The following SLC16A14 variants were observed in gnomAD, a reference collection of about 807,000 sequenced individuals.
The protein encoded by SLC16A14 is monocarboxylate transporter 14.
A neutral mutation model predicts 35.8 loss-of-function variants in SLC16A14; 14 were observed. The observed-to-expected ratio is 0.39, with a 90% CI of 0.26 to 0.61. The LOEUF (loss-of-function observed/expected upper bound fraction) is 0.61. SLC16A14 is among the 20% of genes least tolerant of loss of function. The pLI is 0.51. For missense variants in SLC16A14, 533 were observed against 655.0 expected, an observed-to-expected ratio of 0.81 and a Z score of 2.03; for synonymous variants, 248 against 258.9, an observed-to-expected ratio of 0.96 and a Z score of 0.40.
chr2:230,045,344 G>T (rs1471293049), intron 4 of SLC16A14, among the ~76,000 whole-genome samples: 1 of 152,184 alleles, frequency 6.6e-6, no homozygotes, highest in Non-Finnish European at 1.5e-5. Context: ...GATCACTCGA[G>T]GTCAGAAGTT....
chr2:230,047,721 A>G (rs2077621258), intron 3 of SLC16A14, among the ~76,000 whole-genome samples: 1 of 152,258 alleles, frequency 6.6e-6, no homozygotes, highest in Non-Finnish European at 1.5e-5. Flanking sequence ...AAATTGCTAA[A>G]TGTAGATTTT....
rs1353096525 is a variant in SLC16A14 at position 230,068,283 on chromosome 2, C to T, written c.-15+272G>A. 1 of 152,254 alleles carries T rather than the reference C, an allele frequency of 6.6e-6. No individual in the cohort carries two copies. The highest frequency in any genetic ancestry group is 2.4e-5 in the African/African-American group (1 of 41,468). 9.4% of individuals were successfully genotyped at this position (152,254 alleles called of 1,614,324 possible). ...CAGCTTGAGCAGCAAGGCGCGCGTCCCCAAGCTCCGCCTGGCGGTCTGCCC... is the reference window on the plus strand; with the variant it reads ...CAGCTTGAGCAGCAAGGCGCGCGTCTCCAAGCTCCGCCTGGCGGTCTGCCC... On this transcript the variant is annotated intron_variant, in intron 1 of 4. Coordinates refer to ENST00000295190, the MANE Select transcript of SLC16A14 (RefSeq NM_152527.5). This position sits in a 1 kb window ranked among gnomAD's most constrained non-coding sequence, Gnocchi z 5.1.
In SLC16A14 at chr2:230,050,033, G is replaced by T; in HGVS notation, c.260-129C>A. 6.8e-6 allele frequency: 7 copies of T among 1,032,184 alleles called. No homozygotes were observed. The South Asian group carries it at 9.3e-5, about 14-fold the overall frequency. 63.9% of individuals were successfully genotyped at this position (1,032,184 alleles called of 1,614,324 possible). ...TTAAATGACACAAAAAGCCCCCATT[G>T]CTTTATATGCCAAACATTTTTAGCA... On this transcript the variant is annotated intron_variant, in intron 2 of 4. Coordinates refer to ENST00000295190, the MANE Select transcript of SLC16A14 (RefSeq NM_152527.5).
At chr2:230,041,253 C>T (rs1389013849) in intron 4 of SLC16A14, among the ~76,000 whole-genome samples, 12 of 152,042 alleles carry the variant, frequency 7.9e-5, no homozygotes, top group Admixed American at 1.3e-4. Context: ...GAATATTGGT[C>T]GGTCAAATCT....
intron 4 of SLC16A14, among the ~76,000 whole-genome samples, chr2:230,042,894 A>G (rs1227010921): frequency 2.0e-5 from 3 of 152,110 alleles, no homozygotes; most frequent in Non-Finnish European, 2.9e-5. Flanking sequence ...GTGGCTGGAG[A>G]TACAGCAACC....
chr2:230,052,134 A>G (rs1297753321), intron 2 of SLC16A14, among the ~76,000 whole-genome samples: 1 of 151,940 alleles, frequency 6.6e-6, no homozygotes, highest in African/African-American at 2.4e-5. Flanking sequence ...ACGGGGTTTC[A>G]CCGTGTTAGC....
chr2:230,050,141 T>G (rs573659910), intron 2 of SLC16A14, among the ~76,000 whole-genome samples: 20 of 152,236 alleles, frequency 1.3e-4, no homozygotes, highest in Non-Finnish European at 2.5e-4. Context: ...TAAATAGACA[T>G]TCATTCTTTC....
chr2:230,066,489 G>C (rs543391933), intron 1 of SLC16A14, among the ~76,000 whole-genome samples: 2 of 151,988 alleles, frequency 1.3e-5, no homozygotes, highest in South Asian at 2.1e-4. Context: ...GTAAATGGGG[G>C]GTAACATATA....
rs761377021 is a variant in SLC16A14, at chr2:230,059,326, C to T, written c.27G>A (p.Gly9=). The change falls in exon 2 of 5, where the codon GGG becomes GGA. Residue 9 remains glycine, a synonymous_variant. Transcript: ENST00000295190. MYTSHEDI[G]YDFEDGPKDK... The stretch of plus-strand genomic sequence containing the variant: ...CTTTGGGGCCATCTTCAAAATCATA[C>T]CCAATATCTTCATGACTGGTATACA... The T allele has an allele frequency of 1.0e-5, 16 of 1,605,798 alleles. No individual in the cohort carries two copies. In the South Asian group the frequency reaches 1.8e-4, roughly 18 times the overall value.
At chr2:230,045,421 G>A (rs1195003348) in intron 4 of SLC16A14, among the ~76,000 whole-genome samples, 2 of 152,102 alleles carry the variant, frequency 1.3e-5, no homozygotes, top group South Asian at 2.1e-4. Flanking sequence ...TTAGCCGGGC[G>A]TGGTGGTGCA....
chr2:230,050,391 A>G (rs1282632429), intron 2 of SLC16A14, among the ~76,000 whole-genome samples: 6 of 152,216 alleles, frequency 3.9e-5, no homozygotes, highest in Non-Finnish European at 7.3e-5. Context: ...TGCAGTCTCT[A>G]TCCTTCCCTC....
Position 230,068,736 on chromosome 2 carries a change from G to A in SLC16A14, c.-196C>T, listed in dbSNP as rs2077825771. On this transcript the variant is annotated 5_prime_UTR_variant, in exon 1 of 5. Transcript: ENST00000295190. The surrounding 1 kb of genome is among the most constrained non-coding windows in gnomAD (Gnocchi z 5.1). Reference sequence around the variant, plus strand: ...GCCCGGCTCGGTGCGCTCTGTGAGGGGCTCCCGGGCTCTTCCGCCGCTCGC... The same window carrying A: ...GCCCGGCTCGGTGCGCTCTGTGAGGAGCTCCCGGGCTCTTCCGCCGCTCGC... 6.5e-6 allele frequency: 1 copy of A among 152,700 alleles called. No individual in the cohort carries two copies. 9.5% of individuals were successfully genotyped at this position (152,700 alleles called of 1,614,324 possible). A position where few individuals can be genotyped will look rare whatever the true frequency, so the allele number is the denominator to read the frequency against.
chr2:230,037,497 A>AG lies in SLC16A14; in HGVS notation c.1415_1416insC (p.Ser473PhefsTer61). On this transcript the variant is annotated frameshift_variant, in exon 5 of 5. Transcript: ENST00000295190. LOFTEE classifies it high-confidence loss of function. ...AAAGCAAACCACATATGTAGAAGGA[A>AG]AAATCATATTTTTGCGTGATGTCAT... 6.2e-7 allele frequency: 1 copy of AG among 1,611,102 alleles called. No individual in the cohort carries two copies. The highest frequency in any genetic ancestry group is 2.2e-5 in the East Asian group (1 of 44,818).
chr2:230,067,717 G>C (rs2077813304), intron 1 of SLC16A14, among the ~76,000 whole-genome samples: 1 of 152,200 alleles, frequency 6.6e-6, no homozygotes, highest in African/African-American at 2.4e-5. Context: ...AAAGAAAATG[G>C]CTTAATTGGA....
At chr2:230,057,240 A>G (rs991526600) in intron 2 of SLC16A14, among the ~76,000 whole-genome samples, 1 of 152,214 alleles carries the variant, frequency 6.6e-6, no homozygotes, top group African/African-American at 2.4e-5. Context: ...CTAGTATATC[A>G]TAGATGCTTA....
intron 3 of SLC16A14, 87 bp downstream of exon 3, chr2:230,049,674 T>A: frequency 1.4e-6 from 2 of 1,414,744 alleles, no homozygotes; most frequent in East Asian, 4.7e-5. Context: ...AATGTTTTAA[T>A]GTGTCTCTTT....
chr2:230,045,333 G>A (rs79829275), intron 4 of SLC16A14, among the ~76,000 whole-genome samples: 4,613 of 152,308 alleles, frequency 0.03, 135 homozygotes, highest in East Asian at 0.14. Flanking sequence ...TGAGGCAGGT[G>A]GATCACTCGA....
intron 1 of SLC16A14, among the ~76,000 whole-genome samples, chr2:230,063,842 T>C (rs1263761547): frequency 6.6e-6 from 1 of 152,188 alleles, no homozygotes; most frequent in African/African-American, 2.4e-5. Context: ...GGCTCATGCC[T>C]GTAATCCCAG....
chr2:230,038,580 A>G lies in SLC16A14; in HGVS notation c.1382-1049T>C, dbSNP rs1560469060. On this transcript the variant is annotated intron_variant, in intron 4 of 4. Coordinates refer to ENST00000295190, the MANE Select transcript of SLC16A14 (RefSeq NM_152527.5). This position sits in a 1 kb window ranked among gnomAD's most constrained non-coding sequence, Gnocchi z 4.4. ...AACATTCATTTTTTTCCCTTTTAGT[A>G]AGTACATTAATTAGCAGAGACTTAA... Among the ~76,000 whole-genome samples, 1 of 152,148 alleles carries G rather than the reference A, an allele frequency of 6.6e-6. No homozygotes were observed. The highest frequency in any genetic ancestry group is 1.5e-5 in the Non-Finnish European group (1 of 68,034).
Sources: gnomAD v4.1 joint callset for allele counts (sites outside exome capture counted in the v4.1 genomes callset) on GRCh38, gnomAD v4.1.1 for gene constraint, Gnocchi (gnomAD v3.1) non-coding constraint, MANE v1.5 for transcripts, NCBI Gene and HGNC (gene_info 2026-07-23, HGNC 2026-07-21) for gene names.